RNF149: variants seen among roughly 807,000 people sequenced by gnomAD.
RNF149 encodes ring finger protein 149.
In RNF149, 21 loss-of-function variants were observed where a neutral mutation model predicts 39.0. The observed-to-expected ratio is 0.54, with a 90% CI of 0.38 to 0.77. RNF149 has a LOEUF of 0.77. Ranked by LOEUF, RNF149 falls within the 30% of genes least tolerant of loss-of-function variation. The pLI, the probability that RNF149 is intolerant of heterozygous loss-of-function variation, is 0.00. For missense variants in RNF149, 493 were observed against 534.9 expected, an observed-to-expected ratio of 0.92 and a Z score of 0.77; for synonymous variants, 209 against 213.6, an observed-to-expected ratio of 0.98 and a Z score of 0.19.
intron 1 of RNF149, among the ~76,000 whole-genome samples, chr2:101,299,587 T>G (rs1307144996): frequency 1.3e-5 from 2 of 152,196 alleles, no homozygotes; most frequent in Non-Finnish European, 1.5e-5. Flanking sequence ...CTTGCTTTTG[T>G]GGAAAATTTC....
In RNF149 at chr2:101,288,985, A is replaced by C. The variant is rs765709011; in HGVS notation, c.851T>G (p.Ile284Ser). The change falls in exon 4 of 7, where the codon ATT becomes AGT. Residue 284 changes from isoleucine to serine, a missense_variant. By Grantham distance (142) the Ile-to-Ser change is moderately radical. Coordinates refer to ENST00000295317, the MANE Select transcript of RNF149 (RefSeq NM_173647.4). ...AAAAAGAACATACTTGCATGGCAGA[A>C]TTCTAATAATATCCTTTACTTTGAA... ...ENFKVKDIIR[I>S]LPCKHIFHRI... The C allele has an allele frequency of 6.4e-7, 1 of 1,550,744 alleles. No homozygotes were observed. The highest frequency in any genetic ancestry group is 8.9e-7 in the Non-Finnish European group (1 of 1,124,584).
intron 4 of RNF149, 149 bp from the exon 5 acceptor site, chr2:101,286,326 T>C: frequency 2.0e-6 from 1 of 507,164 alleles, no homozygotes; most frequent in Non-Finnish European, 3.6e-6. Flanking sequence ...CATGTCATTA[T>C]TCTCTCTTCC....
chr2:101,308,142 G>A lies in RNF149; in HGVS notation c.447C>T (p.Pro149=), dbSNP rs534016577. Residue 149 remains proline (P), a synonymous_variant, in exon 1 of 7, where the codon CCC becomes CCT. Coordinates refer to ENST00000295317, the MANE Select transcript of RNF149 (RefSeq NM_173647.4). ...CGGCCTGCTCACCCGCGTGAGACATGGGCAAGGTGATGTTCCCGTAGCGCT... is the reference window on the plus strand; with the variant it reads ...CGGCCTGCTCACCCGCGTGAGACATAGGCAAGGTGATGTTCCCGTAGCGCT... The part of the protein sequence containing the change: ...NEERYGNITL[P]MSHAGTGNIV... The A allele has an allele frequency of 1.2e-6, 2 of 1,609,334 alleles. No homozygotes were observed. Among genetic ancestry groups the A allele is most frequent in the Admixed American group, 1.7e-5 (1 of 59,938 alleles).
rs1355030986 is a variant in RNF149 at position 101,277,107 on chromosome 2, A to C, written c.*131T>G. ...AAATATCTTAGTCCTTTGTATATCAAATCAGAATCTAATAGGTAAAATAAT... is the reference window on the plus strand; with the variant it reads ...AAATATCTTAGTCCTTTGTATATCACATCAGAATCTAATAGGTAAAATAAT... On this transcript the variant is annotated 3_prime_UTR_variant, in exon 7 of 7. Coordinates refer to ENST00000295317, the MANE Select transcript of RNF149 (RefSeq NM_173647.4). 4 of 1,442,142 alleles carry C rather than the reference A, an allele frequency of 2.8e-6. No individual in the cohort carries two copies. The highest frequency in any genetic ancestry group is 3.7e-6 in the Non-Finnish European group (4 of 1,075,314). 89.3% of individuals were successfully genotyped at this position (1,442,142 alleles called of 1,614,324 possible).
rs746775066 is a variant in RNF149, at chr2:101,308,320, C to T, written c.269G>A (p.Cys90Tyr). 2.5e-6 allele frequency: 4 copies of T among 1,586,736 alleles called. No homozygotes were observed. The highest frequency in any genetic ancestry group is 1.4e-5 in the African/African-American group (1 of 72,000). The change falls in exon 1 of 7, where the codon TGC becomes TAC. Residue 90 changes from cysteine to tyrosine, a missense_variant. Physicochemically the swap from Cys to Tyr is radical, Grantham distance 194. Coordinates refer to ENST00000295317, the MANE Select transcript of RNF149 (RefSeq NM_173647.4). ...PWAPGGDLEG[C>Y]APDTRFFVPE... ...CACGAAGAAGCGCGTGTCGGGCGCG[C>T]AGCCCTCGAGGTCTCCGCCGGGCGC...
At chr2:101,272,881 C>T (rs1682180552), downstream of RNF149, 13 of 1,181,928 alleles carry the variant, frequency 1.1e-5, no homozygotes, top group African/African-American at 1.6e-5. Flanking sequence ...AATTTCAGTT[C>T]TCTTTGGGAT....
chr2:101,305,124 G>T (rs921181115), intron 1 of RNF149, among the ~76,000 whole-genome samples: 4 of 152,080 alleles, frequency 2.6e-5, no homozygotes, highest in Admixed American at 2.6e-4. Context: ...ACAGGCATGA[G>T]CCAACGCACT....
Position 101,292,136 on chromosome 2 carries a change from A to G in RNF149, c.780+1878T>C, listed in dbSNP as rs751523556. The stretch of plus-strand genomic sequence containing the variant: ...CTGCATACCATACTGAAAGTGAAAA[A>G]CAACACTTGAAGTATGGTTTCTACT... On this transcript the variant is annotated intron_variant, in intron 3 of 6. Transcript: ENST00000295317. 5.3e-5 allele frequency among the ~76,000 whole-genome samples: 8 copies of G among 152,314 alleles called. No homozygotes were observed. In the South Asian group the frequency reaches 1.7e-3, roughly 32 times the overall value.
At chr2:101,283,210 G>T (rs1361848726) in intron 5 of RNF149, among the ~76,000 whole-genome samples, 1 of 152,176 alleles carries the variant, frequency 6.6e-6, no homozygotes, top group Non-Finnish European at 1.5e-5. Flanking sequence ...GCTCCTACGG[G>T]CAGCACTTCA....
At chr2:101,275,108 T>TC (rs1241373662), downstream of RNF149, among the ~76,000 whole-genome samples, 1 of 122,120 alleles carries the variant, frequency 8.2e-6, no homozygotes, top group African/African-American at 3.1e-5. Flanking sequence ...CCCTAGTATT[T>TC]CTGTTTTTTT....
At position 101,308,645 on chromosome 2, in the gene RNF149, T is replaced by C. The variant is rs1016177300; in HGVS notation, c.-57A>G. ...AGGGTCACGCGCGAGTGCGGTGCAG[T>C]CGAAGAGCAGAGAGAAGCGGACACC... is the stretch of plus-strand genomic sequence containing the variant. On this transcript the variant is annotated 5_prime_UTR_variant, in exon 1 of 7. Coordinates refer to ENST00000295317, the MANE Select transcript of RNF149 (RefSeq NM_173647.4). 22 of 1,405,694 alleles carry C rather than the reference T, an allele frequency of 1.6e-5. No homozygotes were observed. Among genetic ancestry groups the C allele is most frequent in the Admixed American group, 2.9e-5 (1 of 34,548 alleles). 87.1% of individuals were successfully genotyped at this position (1,405,694 alleles called of 1,614,324 possible).
chr2:101,304,958 A>G (rs1246437395), intron 1 of RNF149, among the ~76,000 whole-genome samples: 1 of 150,338 alleles, frequency 6.7e-6, no homozygotes, highest in East Asian at 2.0e-4. Flanking sequence ...CTCCTGCCTC[A>G]GCCTCCTGAG....
At chr2:101,281,150 G>T (rs866204497) in intron 6 of RNF149, among the ~76,000 whole-genome samples, 1 of 152,274 alleles carries the variant, frequency 6.6e-6, no homozygotes, top group South Asian at 2.1e-4. Flanking sequence ...TATACATAAT[G>T]ATTTCAAAGT....
downstream of RNF149, chr2:101,273,292 C>A: frequency 2.1e-6 from 1 of 484,446 alleles, no homozygotes; most frequent in South Asian, 1.5e-5. Flanking sequence ...ATGCCACCCG[C>A]GGTTTCCACA....
rs900829783 is a variant in RNF149, at chr2:101,275,737, G to A, written c.*1501C>T. ...ATTACAGGCGTGAGCCACCGCGCCC[G>A]GCCCTCCTAGTATTTCTTAAAGACA... is the stretch of plus-strand genomic sequence containing the variant. On this transcript the variant is annotated 3_prime_UTR_variant, in exon 7 of 7. Transcript: ENST00000295317. The A allele has an allele frequency of 4.2e-5, 40 of 959,300 alleles. No homozygotes were observed. The highest frequency in any genetic ancestry group is 7.1e-5 in the African/African-American group (4 of 56,558). The allele number at this position is 959,300 out of a possible 1,614,324, so 59.4% of individuals were successfully genotyped here. A position where few individuals can be genotyped will look rare whatever the true frequency, so the allele number is the denominator to read the frequency against.
intron 4 of RNF149, chr2:101,288,761 C>A (rs538082487): frequency 2.2e-6 from 1 of 452,200 alleles, no homozygotes; most frequent in East Asian, 4.1e-5. Flanking sequence ...AGATACTTAA[C>A]GAGTCTTAGT....
intron 1 of RNF149, among the ~76,000 whole-genome samples, chr2:101,303,609 A>C (rs1683543629): frequency 6.6e-6 from 1 of 152,112 alleles, no homozygotes; most frequent in African/African-American, 2.4e-5. Flanking sequence ...TTTTAATTTT[A>C]TTCTTATACC....
downstream of RNF149, chr2:101,272,887 G>A (rs1181017695): frequency 8.3e-7 from 1 of 1,205,784 alleles, no homozygotes; most frequent in Admixed American, 1.9e-5. Context: ...AGTTCTCTTT[G>A]GGATGCCTTT....
rs903099852 is a variant in RNF149 at position 101,281,659 on chromosome 2, C to T, written c.1159+200G>A. ...GGGACTACAGGAGAATGCCACCATA[C>T]CTGGCTAATCTGTGAAGTTTTTGTA... On this transcript the variant is annotated intron_variant, in intron 6 of 6. Transcript: ENST00000295317. The T allele has an allele frequency of 5.1e-6, 3 of 590,016 alleles. No individual in the cohort carries two copies. In the African/African-American group the frequency reaches 5.6e-5, roughly 11 times the overall value. 36.5% of individuals were successfully genotyped at this position (590,016 alleles called of 1,614,324 possible). A position where few individuals can be genotyped will look rare whatever the true frequency, so the allele number is the denominator to read the frequency against.
Sources: gnomAD v4.1 joint callset for allele counts (sites outside exome capture counted in the v4.1 genomes callset) on GRCh38, gnomAD v4.1.1 for gene constraint, MANE v1.5 for transcripts, NCBI Gene and HGNC (gene_info 2026-07-23, HGNC 2026-07-21) for gene names.